The following TRIM24 variants were observed in gnomAD, a reference collection of about 807,000 sequenced individuals.
The protein encoded by TRIM24 is transcription intermediary factor 1-alpha.
A neutral mutation model predicts 123.9 loss-of-function variants in TRIM24; 29 were observed. The ratio of observed to expected loss-of-function variants is 0.23; its 90% confidence interval spans 0.17 to 0.32. The LOEUF is 0.32. Among genes scored for constraint, TRIM24 ranks in the 10% least tolerant of loss-of-function variants. The pLI, the probability that TRIM24 is intolerant of heterozygous loss-of-function variation, is 1.00. For missense variants in TRIM24, 932 were observed against 1,295.3 expected, an observed-to-expected ratio of 0.72 and a Z score of 4.31; for synonymous variants, 456 against 461.1, an observed-to-expected ratio of 0.99 and a Z score of 0.14.
intron 5 of TRIM24, among the ~76,000 whole-genome samples, 178 bp from the exon 6 acceptor site, chr7:138,528,938 T>A (rs1584720678): frequency 6.6e-6 from 1 of 152,056 alleles, no homozygotes; most frequent in Non-Finnish European, 1.5e-5. Flanking sequence ...TGGTGATATC[T>A]TTCAGAAGAA....
chr7:138,573,388 G>T (rs1584745986), intron 11 of TRIM24, 119 bp from the exon 12 acceptor site: 2 of 919,598 alleles, frequency 2.2e-6, no homozygotes, highest in East Asian at 3.0e-5. Context: ...CTCAAATGTG[G>T]TATCTATGTT....
At chr7:138,553,290 A>C (rs1484165935) in intron 8 of TRIM24, among the ~76,000 whole-genome samples, 1 of 152,186 alleles carries the variant, frequency 6.6e-6, no homozygotes, top group Non-Finnish European at 1.5e-5. Context: ...GCTAGGGGAA[A>C]ATATTGATCT....
chr7:138,500,716 A>G (rs1246555443), intron 1 of TRIM24, among the ~76,000 whole-genome samples: 3 of 151,912 alleles, frequency 2.0e-5, no homozygotes, highest in Non-Finnish European at 4.4e-5. Flanking sequence ...TGTACATTAA[A>G]AAAAAAAAAT....
chr7:138,529,568 T>C (rs1451148217), intron 6 of TRIM24, among the ~76,000 whole-genome samples: 1 of 152,196 alleles, frequency 6.6e-6, no homozygotes, highest in Non-Finnish European at 1.5e-5. Flanking sequence ...TGGAGCAGAA[T>C]TTTCTAGAAA....
chr7:138,569,445 C>T, intron 10 of TRIM24, among the ~76,000 whole-genome samples: 1 of 152,080 alleles, frequency 6.6e-6, no homozygotes, highest in South Asian at 2.1e-4. Context: ...TAAGAAAATG[C>T]AGTAATCTAG....
chr7:138,529,637 A>G (rs1217086327), intron 6 of TRIM24, among the ~76,000 whole-genome samples: 1 of 152,226 alleles, frequency 6.6e-6, no homozygotes, highest in Non-Finnish European at 1.5e-5. Flanking sequence ...GAAGTTAGGT[A>G]AAAGAATATG....
intron 1 of TRIM24, among the ~76,000 whole-genome samples, chr7:138,503,120 C>T (rs1796076982): frequency 6.6e-6 from 1 of 150,836 alleles, no homozygotes; most frequent in South Asian, 2.1e-4. Context: ...TAGTGAACAT[C>T]TGATATATAT....
rs1796841437 is a variant in TRIM24 at position 138,535,197 on chromosome 7, AG to A, written c.997-3459del. ...TTGTCAGTCTGTGTGTTTTAATTGG[AG>A]CATTTAGCCCATTTACATTTAAGGT... On this transcript the variant is annotated intron_variant, in intron 6 of 18. Transcript: ENST00000343526. 5.3e-5 allele frequency among the ~76,000 whole-genome samples: 8 copies of A among 152,222 alleles called. No homozygotes were observed. In the South Asian group the frequency reaches 1.7e-3, roughly 32 times the overall value.
In TRIM24 at chr7:138,460,823, C is replaced by A; in HGVS notation, c.275C>A (p.Pro92His). The change falls in exon 1 of 19, where the codon CCC becomes CAC. Residue 92 changes from proline (P) to histidine (H), a missense_variant. Coordinates refer to ENST00000343526, the MANE Select transcript of TRIM24 (RefSeq NM_015905.3). ...GCGCCCCAGCGCTACCTCATGCTGC[C>A]CGCGCCCATGCTGGGCTCGGCCGAG... ...LPAPQRYLML[P>H]APMLGSAETP... 6.3e-7 allele frequency: 1 copy of A among 1,579,116 alleles called. No individual in the cohort carries two copies. The highest frequency in any genetic ancestry group is 8.6e-7 in the Non-Finnish European group (1 of 1,167,944).
chr7:138,502,822 T>C (rs1796070289), intron 1 of TRIM24, among the ~76,000 whole-genome samples: 1 of 152,220 alleles, frequency 6.6e-6, no homozygotes, highest in East Asian at 1.9e-4. Flanking sequence ...CTCATTTTGT[T>C]CATGGTAATA....
At chr7:138,483,173 C>T (rs1015612397) in intron 1 of TRIM24, among the ~76,000 whole-genome samples, 3 of 151,944 alleles carry the variant, frequency 2.0e-5, no homozygotes, top group Non-Finnish European at 4.4e-5. Flanking sequence ...CAAATGCCTA[C>T]ACTCCTCTGG....
intron 9 of TRIM24, among the ~76,000 whole-genome samples, chr7:138,556,790 T>C (rs971238398): frequency 4.3e-4 from 65 of 152,276 alleles, no homozygotes; most frequent in African/African-American, 1.5e-3. Context: ...GAGAGACCAA[T>C]GGATGGAACA....
chr7:138,583,353 C>G (rs1797943015), intron 17 of TRIM24, among the ~76,000 whole-genome samples: 1 of 152,202 alleles, frequency 6.6e-6, no homozygotes, highest in Admixed American at 6.5e-5. Flanking sequence ...GGTGCAGTGG[C>G]TCACGCCTGT....
At chr7:138,495,445 G>A (rs907878407) in intron 1 of TRIM24, among the ~76,000 whole-genome samples, 3 of 151,976 alleles carry the variant, frequency 2.0e-5, no homozygotes, top group African/African-American at 7.2e-5. Context: ...GGCAATTTTT[G>A]CACTTGGAAG....
intron 1 of TRIM24, among the ~76,000 whole-genome samples, chr7:138,502,394 G>A (rs1160396560): frequency 6.6e-6 from 1 of 152,198 alleles, no homozygotes; most frequent in Non-Finnish European, 1.5e-5. Context: ...TAAGTATCAT[G>A]ATGATTATCA....
chr7:138,555,113 C>T, intron 9 of TRIM24, 147 bp downstream of exon 9: 1 of 816,260 alleles, frequency 1.2e-6, no homozygotes, highest in South Asian at 2.2e-5. Context: ...TGATTTAATG[C>T]CTAGTTTTTA....
In TRIM24 at chr7:138,579,283, G is replaced by T; in HGVS notation, c.2336G>T (p.Arg779Ile). The T allele has an allele frequency of 1.2e-6, 2 of 1,614,160 alleles. No individual in the cohort carries two copies. Among genetic ancestry groups the T allele is most frequent in the Non-Finnish European group, 1.7e-6 (2 of 1,180,030 alleles). Reference protein sequence around the residue: ...QSSTSEETVLRSDAPDSTGDQ... With the variant: ...QSSTSEETVLISDAPDSTGDQ... The stretch of plus-strand genomic sequence containing the variant: ...TCTACTTCTGAGGAGACTGTGCTAA[G>T]ATCAGATGCCCCTGATAGTACAGGA... The change falls in exon 15 of 19, where the codon AGA (arginine) becomes ATA (isoleucine). Residue 779 changes from arginine to isoleucine, a missense_variant. Arg to Ile is a moderately conservative substitution (Grantham distance 97). This residue lies in a region of TRIM24 where 527 missense variants were observed against 691.3 expected (regional missense o/e 0.76). Transcript: ENST00000343526.
At chr7:138,574,026 G>A (rs1293292403) in intron 12 of TRIM24, among the ~76,000 whole-genome samples, 4 of 152,138 alleles carry the variant, frequency 2.6e-5, no homozygotes, top group East Asian at 1.9e-4. Flanking sequence ...TTCTGCCTTA[G>A]CCTCCCAAAG....
chr7:138,507,278 T>G (rs1796169933), intron 2 of TRIM24, among the ~76,000 whole-genome samples: 1 of 152,154 alleles, frequency 6.6e-6, no homozygotes, highest in Admixed American at 6.5e-5. Flanking sequence ...CAACTCTTGT[T>G]TTGTGCATAC....
Sources: gnomAD v4.1 joint callset for allele counts (sites outside exome capture counted in the v4.1 genomes callset) on GRCh38, gnomAD v4.1.1 for gene constraint, gnomAD v4.1.1 regional missense constraint, MANE v1.5 for transcripts, NCBI Gene and HGNC (gene_info 2026-07-23, HGNC 2026-07-21) for gene names.